The following MAST4 variants were observed in gnomAD, a reference collection of about 807,000 sequenced individuals.
MAST4 encodes microtubule-associated serine/threonine-protein kinase 4.
Under a neutral mutation model 162.7 loss-of-function variants are expected in MAST4, and 89 were observed. That is an observed-to-expected ratio of 0.55 (90% confidence interval 0.46 to 0.65). The LOEUF (loss-of-function observed/expected upper bound fraction) is 0.65. MAST4 is among the 30% of genes least tolerant of loss of function. The pLI, the probability that MAST4 is intolerant of heterozygous loss-of-function variation, is 0.00. For missense variants in MAST4, 3,153 were observed against 3,374.0 expected, an observed-to-expected ratio of 0.93 and a Z score of 1.62; for synonymous variants, 1,479 against 1,361.1, an observed-to-expected ratio of 1.09 and a Z score of -1.91.
intron 1 of MAST4, among the ~76,000 whole-genome samples, chr5:66,621,964 C>T (rs982444954): frequency 1.1e-4 from 16 of 152,122 alleles, no homozygotes; most frequent in East Asian, 5.8e-4. Flanking sequence ...ATAGCCAATA[C>T]GTCCATGAAA....
chr5:67,073,063 C>T (rs1230339663), intron 5 of MAST4, among the ~76,000 whole-genome samples: 1 of 152,148 alleles, frequency 6.6e-6, no homozygotes, highest in Admixed American at 6.5e-5. Context: ...ACTGAATGCA[C>T]TCTGTCTGGT....
chr5:67,146,469 T>C (rs1771093978), intron 23 of MAST4, among the ~76,000 whole-genome samples: 1 of 152,268 alleles, frequency 6.6e-6, no homozygotes, highest in African/African-American at 2.4e-5. Context: ...GAGAGATGTA[T>C]ATGGCTTAGA....
intron 2 of MAST4, 82 bp from the exon 3 acceptor site, chr5:66,788,588 G>C (rs748802502): frequency 9.1e-6 from 11 of 1,205,132 alleles, no homozygotes; most frequent in East Asian, 3.4e-5. Flanking sequence ...GCCAGGAAGA[G>C]ACACCCCACC....
chr5:67,096,085 T>C (rs961241537), intron 7 of MAST4, among the ~76,000 whole-genome samples: 9 of 152,252 alleles, frequency 5.9e-5, no homozygotes, highest in African/African-American at 1.9e-4. Context: ...TTGTTTTGTT[T>C]TGTTTTCTTT....
chr5:67,029,529 G>A (rs1446635294), intron 4 of MAST4, among the ~76,000 whole-genome samples: 1 of 152,088 alleles, frequency 6.6e-6, no homozygotes, highest in Non-Finnish European at 1.5e-5. Context: ...ACCATTCTGT[G>A]TATTTCATCT....
chr5:66,770,200 A>G (rs1754297598), intron 2 of MAST4, among the ~76,000 whole-genome samples: 1 of 152,142 alleles, frequency 6.6e-6, no homozygotes, highest in African/African-American at 2.4e-5. Flanking sequence ...AAAACCATTT[A>G]TTGTCTTTAC....
chr5:66,692,595 T>A (rs1231555789), intron 1 of MAST4, among the ~76,000 whole-genome samples: 1 of 152,126 alleles, frequency 6.6e-6, no homozygotes, highest in African/African-American at 2.4e-5. Flanking sequence ...CTTAAGCTAG[T>A]CTGTTACTTC....
chr5:67,160,342 G>A, intron 26 of MAST4, 114 bp from the exon 27 acceptor site: 2 of 1,065,582 alleles, frequency 1.9e-6, no homozygotes, highest in South Asian at 2.4e-5. Flanking sequence ...GAAACAGAAG[G>A]CCTTTTATAT....
chr5:66,871,190 T>C (rs768402150), intron 3 of MAST4, among the ~76,000 whole-genome samples: 4 of 152,214 alleles, frequency 2.6e-5, no homozygotes, highest in Non-Finnish European at 5.9e-5. Context: ...AACACTGTTA[T>C]ATAGTTGTAT....
At chr5:66,837,011 A>C (rs1399522839) in intron 3 of MAST4, among the ~76,000 whole-genome samples, 1 of 99,464 alleles carries the variant, frequency 1.0e-5, no homozygotes, top group Non-Finnish European at 2.0e-5. Flanking sequence ...TGGGTAAAAG[A>C]CCATGCAGGA....
rs1379941971 is a variant in MAST4, at chr5:67,167,004, C to T, written c.7825C>T (p.Arg2609Trp). The change falls in exon 29 of 29, where the codon CGG becomes TGG. Residue 2609 changes from arginine (R) to tryptophan (W), a missense_variant. Arg to Trp is a moderately radical substitution (Grantham distance 101). This residue lies in a region of MAST4 where 1,644 missense variants were observed against 1,495.0 expected (regional missense o/e 1.10). Coordinates refer to ENST00000403625, the MANE Select transcript of MAST4 (RefSeq NM_001164664.2). ...GAAGGACTTTGTGGTACGGCAGAGG[C>T]GGGGGAAAGAGAGTTTGCGTAGCAG... is the stretch of plus-strand genomic sequence containing the variant. ...NEKDFVVRQR[R>W]GKESLRSSPH... 6.2e-6 allele frequency: 10 copies of T among 1,607,474 alleles called. No homozygotes were observed. The highest frequency in any genetic ancestry group is 1.1e-5 in the South Asian group (1 of 90,470).
intron 8 of MAST4, 63 bp downstream of exon 8, chr5:67,100,655 G>C: frequency 6.3e-7 from 1 of 1,593,488 alleles, no homozygotes; most frequent in Middle Eastern, 1.7e-4. Context: ...CATTTTGAGT[G>C]AACACTTCGG....
At chr5:66,829,586 G>T (rs1757461768) in intron 3 of MAST4, among the ~76,000 whole-genome samples, 1 of 152,094 alleles carries the variant, frequency 6.6e-6, no homozygotes, top group Admixed American at 6.6e-5. Flanking sequence ...CAGAACATAA[G>T]TATGTTCAAC....
At chr5:66,656,796 C>A (rs1746579304) in intron 1 of MAST4, among the ~76,000 whole-genome samples, 1 of 152,180 alleles carries the variant, frequency 6.6e-6, no homozygotes, top group Non-Finnish European at 1.5e-5. Context: ...GTTAGGCCCA[C>A]ATGTATTTTA....
At chr5:66,640,695 G>A (rs1271089720) in intron 1 of MAST4, among the ~76,000 whole-genome samples, 1 of 152,200 alleles carries the variant, frequency 6.6e-6, no homozygotes, top group Non-Finnish European at 1.5e-5. Context: ...ACGAACGTGG[G>A]ATTGACAATA....
chr5:66,992,613 A>G (rs553366456), intron 4 of MAST4, among the ~76,000 whole-genome samples: 1 of 152,342 alleles, frequency 6.6e-6, no homozygotes, highest in South Asian at 2.1e-4. Context: ...AATCTCATCT[A>G]AAGCCTTAGG....
Position 66,596,507 on chromosome 5 carries a change from A to G in MAST4, c.-149A>G. 1.0e-6 allele frequency: 1 copy of G among 977,164 alleles called. No homozygotes were observed. Among genetic ancestry groups the G allele is most frequent in the Non-Finnish European group, 1.3e-6 (1 of 749,838 alleles). 60.5% of individuals were successfully genotyped at this position (977,164 alleles called of 1,614,324 possible). A position where few individuals can be genotyped will look rare whatever the true frequency, so the allele number is the denominator to read the frequency against. On this transcript the variant is annotated 5_prime_UTR_variant, in exon 1 of 29. Coordinates refer to ENST00000403625, the MANE Select transcript of MAST4 (RefSeq NM_001164664.2). ...AGCAGCGGGCTCCTGCGGCCCCGTC[A>G]CTGCCATGTAGTCGCTGGCGGGGCT...
intron 12 of MAST4, among the ~76,000 whole-genome samples, chr5:67,116,506 T>C (rs16896286): frequency 0.39 from 58,469 of 151,486 alleles, 13,671 homozygotes; most frequent in African/African-American, 0.67. Flanking sequence ...GCACCTGGCC[T>C]TGAGGCTAGT....
At position 66,994,396 on chromosome 5, in the gene MAST4, C is replaced by T. The variant is rs190985549; in HGVS notation, c.675-60008C>T. On this transcript the variant is annotated intron_variant, in intron 4 of 28. Transcript: ENST00000403625. ...TCTGGCCTTGTTTTTCTTTCTCCTT[C>T]GTATATTAGCATTCTTAATAATTCT... 1.0e-3 allele frequency among the ~76,000 whole-genome samples: 155 copies of T among 152,190 alleles called. 2 individuals carry two copies. Among genetic ancestry groups the T allele is most frequent in the African/African-American group, 3.5e-3 (146 of 41,546 alleles).
Sources: allele counts gnomAD v4.1 joint callset (sites outside exome capture counted in the v4.1 genomes callset), GRCh38; gene constraint gnomAD v4.1.1; regional missense constraint gnomAD v4.1.1; transcripts MANE v1.5; gene names NCBI Gene and HGNC (gene_info 2026-07-23, HGNC 2026-07-21).